The following GUCY2C variants were observed in gnomAD, a reference collection of about 807,000 sequenced individuals.
GUCY2C encodes guanylyl cyclase C.
In GUCY2C, 118 loss-of-function variants were observed where a neutral mutation model predicts 131.1. The observed-to-expected ratio is 0.90, with a 90% CI of 0.78 to 1.05. The LOEUF (loss-of-function observed/expected upper bound fraction) is 1.05. Among genes scored for constraint, GUCY2C ranks in the 50% least tolerant of loss-of-function variants. GUCY2C has a pLI of 0.00. For synonymous variants in GUCY2C, 452 were observed against 457.8 expected (o/e 0.99, Z 0.16); for missense variants, 1,161 against 1,304.4 (o/e 0.89, Z 1.69).
intron 8 of GUCY2C, chr12:14,674,349 A>C: frequency 2.2e-6 from 1 of 458,284 alleles, no homozygotes; most frequent in Non-Finnish European, 4.0e-6. Context: ...TTACTGCTCA[A>C]AATGCCTTAT....
chr12:14,692,451 A>T (rs1013601786), intron 1 of GUCY2C, among the ~76,000 whole-genome samples: 1 of 152,206 alleles, frequency 6.6e-6, no homozygotes, highest in Non-Finnish European at 1.5e-5. Flanking sequence ...TTTATAAAAA[A>T]TGTTTAAAAT....
rs1440087969 is a variant in GUCY2C at position 14,692,710 on chromosome 12, G to A, written c.217+3522C>T. Among the ~76,000 whole-genome samples the A allele has an allele frequency of 2.0e-5, 3 of 152,236 alleles. No individual in the cohort carries two copies. In the East Asian group the frequency reaches 5.8e-4, roughly 30 times the overall value. ...TAAAAATACAAAACATTAGCTGGAT[G>A]TGGTGATGCATACCTGTAATCCCAG... is the stretch of plus-strand genomic sequence containing the variant. On this transcript the variant is annotated intron_variant, in intron 1 of 26. Coordinates refer to ENST00000261170, the MANE Select transcript of GUCY2C (RefSeq NM_004963.4).
In GUCY2C at chr12:14,676,938, A is replaced by G. The variant is rs1948245713; in HGVS notation, c.864T>C (p.Pro288=). ...DQYFEDNVTA[P]DYMKNVLVLT... ...GAACAAGGACATTTTTCATATAGTC[A>G]GGGGCTGTGACATTGTCCTCAAAGT... is the stretch of plus-strand genomic sequence containing the variant. The change falls in exon 7 of 27, where the codon CCT becomes CCC. Residue 288 remains proline (P), a synonymous_variant. Transcript: ENST00000261170. 6.4e-7 allele frequency: 1 copy of G among 1,559,240 alleles called. No homozygotes were observed. Among genetic ancestry groups the G allele is most frequent in the African/African-American group, 1.4e-5 (1 of 74,034 alleles).
chr12:14,665,663 G>C (rs1376477115), intron 10 of GUCY2C: 1 of 152,166 alleles, frequency 6.6e-6, no homozygotes, highest in East Asian at 1.9e-4. Flanking sequence ...ATGAGGACGG[G>C]CACCAAATCT....
At chr12:14,675,207 C>CAAAAAA (rs35870014) in intron 7 of GUCY2C, among the ~76,000 whole-genome samples, 28 of 34,624 alleles carry the variant, frequency 8.1e-4, no homozygotes, top group South Asian at 1.2e-3. Flanking sequence ...AACTCCATCT[C>CAAAAAA]AAAAAAAAAA....
chr12:14,619,355 C>T (rs1946846179), intron 23 of GUCY2C, 46 bp from the exon 24 acceptor site: 1 of 1,212,070 alleles, frequency 8.3e-7, no homozygotes, highest in South Asian at 1.2e-5. Context: ...ATAGAAATTG[C>T]AGAGTAGAGT....
intron 21 of GUCY2C, among the ~76,000 whole-genome samples, chr12:14,624,108 T>C (rs1326848908): frequency 6.6e-6 from 1 of 152,132 alleles, no homozygotes; most frequent in Non-Finnish European, 1.5e-5. Flanking sequence ...TAGATAAAAT[T>C]AGTATACAGA....
At chr12:14,692,077 A>C (rs1592152005) in intron 1 of GUCY2C, among the ~76,000 whole-genome samples, 2 of 152,220 alleles carry the variant, frequency 1.3e-5, no homozygotes, top group Non-Finnish European at 2.9e-5. Context: ...ATGCTGTAGA[A>C]CAGCAGTTCT....
chr12:14,634,218 A>G (rs1038753390), intron 19 of GUCY2C, among the ~76,000 whole-genome samples: 1 of 152,264 alleles, frequency 6.6e-6, no homozygotes, highest in Non-Finnish European at 1.5e-5. Flanking sequence ...GCCAGGAGAA[A>G]AGGGATGAGG....
At chr12:14,677,618 T>G (rs917895228) in intron 6 of GUCY2C, among the ~76,000 whole-genome samples, 1 of 152,288 alleles carries the variant, frequency 6.6e-6, no homozygotes, top group Admixed American at 6.5e-5. Flanking sequence ...TTTCCCAGGC[T>G]GGAGTACAAT....
intron 1 of GUCY2C, 112 bp downstream of exon 1, chr12:14,696,120 A>T: frequency 1.2e-6 from 1 of 809,796 alleles, no homozygotes; most frequent in African/African-American, 1.7e-5. Context: ...GGGTTTAGGG[A>T]CAGTCCTTAG....
chr12:14,627,559 A>C (rs931657735), intron 20 of GUCY2C, among the ~76,000 whole-genome samples: 6 of 152,094 alleles, frequency 3.9e-5, no homozygotes, highest in Non-Finnish European at 7.4e-5. Flanking sequence ...AAAAATCCTG[A>C]CACCTGTATG....
In GUCY2C at chr12:14,619,303, C is replaced by T. The variant is rs755760159; in HGVS notation, c.2783G>A (p.Cys928Tyr). ...WIRIGVHSGP[C>Y]AAGVVGIKMP... ...CTTGATTCCCACAACTCCAGCAGCA[C>T]AGGGACCTGAAATGAAGGACAGAAA... is the stretch of plus-strand genomic sequence containing the variant. The change falls in exon 24 of 27, where the codon TGT becomes TAT. Residue 928 changes from cysteine to tyrosine, a missense_variant. Physicochemically the swap from Cys to Tyr is radical, Grantham distance 194 (BLOSUM62 -2). Transcript: ENST00000261170. 30 of 1,606,290 alleles carry T rather than the reference C, an allele frequency of 1.9e-5. No homozygotes were observed. The highest frequency in any genetic ancestry group is 2.5e-5 in the Non-Finnish European group (29 of 1,172,890).
At chr12:14,628,097 A>T (rs1947061154) in intron 20 of GUCY2C, among the ~76,000 whole-genome samples, 1 of 152,186 alleles carries the variant, frequency 6.6e-6, no homozygotes, top group African/African-American at 2.4e-5. Context: ...CTAACTCTTA[A>T]TTCAGTGTTA....
chr12:14,691,827 G>A lies in GUCY2C; in HGVS notation c.218-3764C>T, dbSNP rs190295356. Among the ~76,000 whole-genome samples the A allele has an allele frequency of 3.7e-3, 568 of 152,314 alleles. 3 individuals are homozygous for A. The highest frequency in any genetic ancestry group is 0.013 in the African/African-American group (541 of 41,566). On this transcript the variant is annotated intron_variant, in intron 1 of 26. Transcript: ENST00000261170. ...CTGGGCCCCAGTTCCTCATCCACTT[G>A]TTAATAGAATAGAGCCAGTTGATCT...
intron 4 of GUCY2C, among the ~76,000 whole-genome samples, chr12:14,682,083 T>A (rs1044669718): frequency 6.6e-6 from 1 of 152,336 alleles, no homozygotes; most frequent in African/African-American, 2.4e-5. Context: ...AGCAGCATCC[T>A]GGAAGTACAG....
intron 19 of GUCY2C, among the ~76,000 whole-genome samples, chr12:14,631,002 G>C (rs972571821): frequency 6.6e-6 from 1 of 152,172 alleles, no homozygotes; most frequent in African/African-American, 2.4e-5. Context: ...TGAGGAGAAG[G>C]CAGGGCTAGG....
intron 6 of GUCY2C, 82 bp from the exon 7 acceptor site, chr12:14,677,053 C>T (rs988802758): frequency 4.3e-5 from 20 of 459,878 alleles, no homozygotes; most frequent in Admixed American, 1.9e-4. Context: ...ACTATACCAT[C>T]ATCATTGAAA....
At position 14,620,999 on chromosome 12, in the gene GUCY2C, A is replaced by G. The variant is rs16910077; in HGVS notation, c.2776+43T>C. ...CTTTCTGATTTAGTTGGTGCACAGC[A>G]GTACATATGGTTCCCAATTTGCTAA... On this transcript the variant is annotated intron_variant, in intron 23 of 26. Transcript: ENST00000261170. The G allele has an allele frequency of 4.7e-3, 6,884 of 1,468,826 alleles. 289 individuals are homozygous for G. In the African/African-American group the frequency reaches 0.085, roughly 18 times the overall value. 91.0% of individuals were successfully genotyped at this position (1,468,826 alleles called of 1,614,324 possible). A position where few individuals can be genotyped will look rare whatever the true frequency, so the allele number is the denominator to read the frequency against.
Sources: gnomAD v4.1 joint callset for allele counts (sites outside exome capture counted in the v4.1 genomes callset) on GRCh38, gnomAD v4.1.1 for gene constraint, MANE v1.5 for transcripts, NCBI Gene and HGNC (gene_info 2026-07-23, HGNC 2026-07-21) for gene names.